The following DLG1 variants were observed in gnomAD, a reference collection of about 807,000 sequenced individuals.
DLG1 encodes the protein discs large MAGUK scaffold protein 1, also known as disks large homolog 1.
DLG1 carries 42 observed loss-of-function variants against 123.4 expected under a neutral mutation model. The observed-to-expected ratio is 0.34, with a 90% CI of 0.27 to 0.44. The LOEUF is 0.44. DLG1 is among the 20% of genes least tolerant of loss of function. The probability of loss-of-function intolerance (pLI) is 1.00; values close to 1 mark genes in which losing one functional copy is unlikely to be tolerated. For synonymous variants in DLG1, 317 were observed against 356.2 expected, an observed-to-expected ratio of 0.89 and a Z score of 1.24; for missense variants, 942 against 1,082.6, an observed-to-expected ratio of 0.87 and a Z score of 1.82.
chr3:197,136,705 C>A, intron 9 of DLG1, 27 bp from the exon 10 acceptor site: 1 of 1,580,818 alleles, frequency 6.3e-7, no homozygotes, highest in South Asian at 1.2e-5. Context: ...TCTAGATTCT[C>A]ATCCATAAAT....
chr3:197,252,743 G>A (rs1755053185), intron 4 of DLG1, among the ~76,000 whole-genome samples: 1 of 152,124 alleles, frequency 6.6e-6, no homozygotes, highest in Non-Finnish European at 1.5e-5. Flanking sequence ...AATTGTCCTC[G>A]TTTCAGTTTT....
intron 22 of DLG1, among the ~76,000 whole-genome samples, chr3:197,064,512 G>A (rs1314802263): frequency 6.6e-6 from 1 of 152,128 alleles, no homozygotes; most frequent in Non-Finnish European, 1.5e-5. Context: ...CTTTAATAAT[G>A]ACTACAGTTG....
At chr3:197,289,023 C>A (rs1392826468) in intron 3 of DLG1, among the ~76,000 whole-genome samples, 3 of 152,154 alleles carry the variant, frequency 2.0e-5, no homozygotes, top group Admixed American at 1.3e-4. Context: ...ATGTGAGCTT[C>A]TTGCTATATC....
At chr3:197,070,994 G>A (rs1380184036) in intron 18 of DLG1, 3 of 151,874 alleles carry the variant, frequency 2.0e-5, no homozygotes, top group East Asian at 1.9e-4. Context: ...TATTTACCTC[G>A]CTATTTATTA....
At chr3:197,046,987 A>G (rs1301684744) in intron 24 of DLG1, among the ~76,000 whole-genome samples, 3 of 152,204 alleles carry the variant, frequency 2.0e-5, no homozygotes, top group Non-Finnish European at 4.4e-5. Context: ...GTCATGAATA[A>G]CAAGACTTGG....
intron 4 of DLG1, among the ~76,000 whole-genome samples, chr3:197,224,353 A>G (rs1170101696): frequency 1.3e-5 from 2 of 152,186 alleles, no homozygotes; most frequent in African/African-American, 2.4e-5. Context: ...TCTTATATAC[A>G]TAAGATGTTT....
chr3:197,190,702 G>A (rs535034643), intron 5 of DLG1, among the ~76,000 whole-genome samples: 24 of 152,238 alleles, frequency 1.6e-4, no homozygotes, highest in Admixed American at 8.5e-4. Flanking sequence ...AATCATATAC[G>A]GAGATGGCTG....
chr3:197,208,536 TA>T (rs975696171), intron 4 of DLG1, among the ~76,000 whole-genome samples: 3 of 146,536 alleles, frequency 2.0e-5, no homozygotes, highest in African/African-American at 7.3e-5. Context: ...ACTTGTCAAA[TA>T]AATCATTCTT....
intron 4 of DLG1, among the ~76,000 whole-genome samples, chr3:197,249,038 A>G (rs898462712): frequency 1.3e-5 from 2 of 152,242 alleles, no homozygotes; most frequent in African/African-American, 4.8e-5. Context: ...AGGAACCAGA[A>G]AAGCAAGAAC....
intron 5 of DLG1, among the ~76,000 whole-genome samples, chr3:197,179,331 T>C (rs1419083774): frequency 6.6e-6 from 1 of 152,112 alleles, no homozygotes; most frequent in East Asian, 1.9e-4. Context: ...CACCAATTTG[T>C]AGAAGGGAGT....
intron 23 of DLG1, among the ~76,000 whole-genome samples, chr3:197,058,352 ATTTAAAGCTGTGTGTATTCC>A (rs1403716791): frequency 6.6e-6 from 1 of 152,140 alleles, no homozygotes; most frequent in Non-Finnish European, 1.5e-5. Flanking sequence ...CTTTCCTAAC[ATTTAAAGCTGTGTGTATTCC>A]TTCAAAGCTG....
chr3:197,063,714 G>A (rs1406540756), intron 22 of DLG1, among the ~76,000 whole-genome samples: 1 of 152,058 alleles, frequency 6.6e-6, no homozygotes, highest in East Asian at 1.9e-4. Context: ...TACTGTTGGG[G>A]TATATCTTTG....
intron 4 of DLG1, among the ~76,000 whole-genome samples, chr3:197,253,068 G>T (rs1365032331): frequency 6.6e-6 from 1 of 152,206 alleles, no homozygotes; most frequent in East Asian, 1.9e-4. Flanking sequence ...TGATAAATTG[G>T]ACTTCATCAA....
intron 24 of DLG1, among the ~76,000 whole-genome samples, chr3:197,046,937 T>TC (rs1159201929): frequency 1.4e-5 from 2 of 138,960 alleles, no homozygotes; most frequent in East Asian, 5.5e-4. Flanking sequence ...CAACAAAAAA[T>TC]CCCCCCTAGT....
chr3:197,260,159 C>A (rs2150952609), intron 4 of DLG1: 2 of 288,540 alleles, frequency 6.9e-6, no homozygotes, highest in South Asian at 6.2e-5. Flanking sequence ...ATTTTCAAAT[C>A]TATAACAATG....
intron 4 of DLG1, among the ~76,000 whole-genome samples, chr3:197,227,963 T>C (rs1354640431): frequency 6.6e-6 from 1 of 152,220 alleles, no homozygotes; most frequent in Non-Finnish European, 1.5e-5. Context: ...TATTTAAAAA[T>C]ACATTTACTA....
Position 197,177,272 on chromosome 3 carries a change from CTG to C in DLG1, c.483+17151_483+17152del, listed in dbSNP as rs564878182. ...CAGTACAACAGCGTTTCCATCCAAA[CTG>C]TGAATGTTTGGGGAGTCAATACCAA... On this transcript the variant is annotated intron_variant, in intron 5 of 24. Coordinates refer to ENST00000667157, the MANE Select transcript of DLG1 (RefSeq NM_001366207.1). Among the ~76,000 whole-genome samples, 151 of 152,226 alleles carry C rather than the reference CTG, an allele frequency of 9.9e-4. 2 individuals are homozygous for C. Among genetic ancestry groups the C allele is most frequent in the African/African-American group, 3.3e-3 (136 of 41,540 alleles).
intron 15 of DLG1, among the ~76,000 whole-genome samples, chr3:197,086,101 TCTTTA>T (rs1213011521): frequency 6.6e-6 from 1 of 152,120 alleles, no homozygotes; most frequent in Non-Finnish European, 1.5e-5. Flanking sequence ...TACATTCTTC[TCTTTA>T]CTTTGATTAG....
intron 6 of DLG1, among the ~76,000 whole-genome samples, chr3:197,145,816 G>A (rs1237729290): frequency 1.4e-5 from 2 of 146,030 alleles, no homozygotes; most frequent in Non-Finnish European, 3.0e-5. Context: ...ACAAAAATTA[G>A]CCAGGTGTGG....
Sources: allele counts gnomAD v4.1 joint callset (sites outside exome capture counted in the v4.1 genomes callset), GRCh38; gene constraint gnomAD v4.1.1; transcripts MANE v1.5; gene names NCBI Gene and HGNC (gene_info 2026-07-23, HGNC 2026-07-21).